RND3: variants seen among roughly 807,000 people sequenced by gnomAD.
The protein encoded by RND3 is Rho family GTPase 3.
RND3 carries 8 observed loss-of-function variants against 26.5 expected under a neutral mutation model. The observed-to-expected ratio is 0.30, with a 90% CI of 0.18 to 0.54. The LOEUF (loss-of-function observed/expected upper bound fraction) is 0.54. Among genes scored for constraint, RND3 ranks in the 20% least tolerant of loss-of-function variants. The probability of loss-of-function intolerance (pLI) is 0.94; values close to 1 mark genes in which losing one functional copy is unlikely to be tolerated. For synonymous variants in RND3, 113 were observed against 113.0 expected, an observed-to-expected ratio of 1.00 and a Z score of 0.00; for missense variants, 207 against 302.8, an observed-to-expected ratio of 0.68 and a Z score of 2.35.
At position 150,486,065 on chromosome 2, in the gene RND3, A is replaced by G. The variant is rs1686354620; in HGVS notation, c.238+629T>C. Among the ~76,000 whole-genome samples the G allele has an allele frequency of 6.6e-6, 1 of 152,182 alleles. No individual in the cohort carries two copies. The highest frequency in any genetic ancestry group is 2.4e-5 in the African/African-American group (1 of 41,464). On this transcript the variant is annotated intron_variant, in intron 3 of 5. Coordinates refer to ENST00000263895, the MANE Select transcript of RND3 (RefSeq NM_005168.5). This position sits in a 1 kb window ranked among gnomAD's most constrained non-coding sequence, Gnocchi z 4.5. ...GGGGAAAAAGGGAAAAGCTCGGTAC[A>G]GGTGGGCACCGAGGCACCGCGGGCG... is the stretch of plus-strand genomic sequence containing the variant.
In RND3 at chr2:150,469,968, A is replaced by G. The variant is rs780311687; in HGVS notation, c.*19T>C. 1.9e-6 allele frequency: 3 copies of G among 1,611,710 alleles called. No individual in the cohort carries two copies. The highest frequency in any genetic ancestry group is 2.5e-6 in the Non-Finnish European group (3 of 1,178,452). ...TTTTACACTAGATTCCTTTGTCTTC[A>G]TTAAAGATAATGAAAGATTCACATC... On this transcript the variant is annotated 3_prime_UTR_variant, in exon 6 of 6. Coordinates refer to ENST00000263895, the MANE Select transcript of RND3 (RefSeq NM_005168.5).
intron 3 of RND3, among the ~76,000 whole-genome samples, chr2:150,475,621 A>C (rs1376778045): frequency 2.0e-5 from 3 of 152,200 alleles, no homozygotes; most frequent in Non-Finnish European, 2.9e-5. Flanking sequence ...GGGTTCAACT[A>C]TGCAAAGAGA....
intron 2 of RND3, chr2:150,487,005 A>G (rs927300917): frequency 6.5e-6 from 4 of 612,006 alleles, no homozygotes; most frequent in Non-Finnish European, 1.2e-5. Context: ...CGAATCTCCC[A>G]ACCCCAGGTT....
intron 3 of RND3, among the ~76,000 whole-genome samples, chr2:150,479,227 A>T (rs540481760): frequency 6.6e-6 from 1 of 152,308 alleles, no homozygotes; most frequent in Admixed American, 6.5e-5. Context: ...CCAGCCAAAG[A>T]ATAGTCACAA....
chr2:150,479,753 G>A (rs1292249709), intron 3 of RND3, among the ~76,000 whole-genome samples: 1 of 152,290 alleles, frequency 6.6e-6, no homozygotes, highest in African/African-American at 2.4e-5. Flanking sequence ...TCAAGTCTGG[G>A]CAGAACTTTT....
intron 3 of RND3, among the ~76,000 whole-genome samples, chr2:150,476,480 C>A (rs1350704030): frequency 1.3e-5 from 2 of 152,182 alleles, no homozygotes; most frequent in Non-Finnish European, 2.9e-5. Context: ...AGAGTGACAA[C>A]TTCAAGCCAC....
chr2:150,475,057 T>C, intron 3 of RND3, 73 bp from the exon 4 acceptor site: 1 of 852,930 alleles, frequency 1.2e-6, no homozygotes, highest in Non-Finnish European at 1.9e-6. Context: ...CTCTACCCTT[T>C]CCGGCTAAGT....
At chr2:150,483,759 G>A (rs1268064053) in intron 3 of RND3, among the ~76,000 whole-genome samples, 1 of 152,162 alleles carries the variant, frequency 6.6e-6, no homozygotes, top group African/African-American at 2.4e-5. Context: ...ATGGAAACAG[G>A]CTATTCTTAG....
chr2:150,486,744 C>T lies in RND3; in HGVS notation c.188G>A (p.Ser63Asn). The change falls in exon 3 of 6, where the codon AGT becomes AAT. Residue 63 changes from serine to asparagine, a missense_variant. Ser to Asn is a conservative substitution (Grantham distance 46). Transcript: ENST00000263895. The surrounding 1 kb of genome is among the most constrained non-coding windows in gnomAD (Gnocchi z 4.5). ...VPTVFENYTA[S>N]FEIDTQRIEL... is the part of the protein sequence containing the mutation. Reference sequence around the variant, plus strand: ...TATTCTTTGTGTGTCGATTTCAAAACTGGCCGTGTAATTCTCAAACACTGT... The same window carrying T: ...TATTCTTTGTGTGTCGATTTCAAAATTGGCCGTGTAATTCTCAAACACTGT... 6.2e-7 allele frequency: 1 copy of T among 1,613,858 alleles called. No homozygotes were observed. Among genetic ancestry groups the T allele is most frequent in the South Asian group, 1.1e-5 (1 of 91,076 alleles).
chr2:150,480,813 CA>C (rs1173822050), intron 3 of RND3, among the ~76,000 whole-genome samples: 1 of 152,192 alleles, frequency 6.6e-6, no homozygotes, highest in Admixed American at 6.5e-5. Flanking sequence ...AACCACCATA[CA>C]AACTATCTGT....
In RND3 at chr2:150,469,339, T is replaced by A. The variant is rs1015151987; in HGVS notation, c.*648A>T. Reference sequence around the variant, plus strand: ...TTGATCTATGCGATCTTTGTAGTGCTGGTCTACAAATCTTGCAAGATTGCA... The same window carrying A: ...TTGATCTATGCGATCTTTGTAGTGCAGGTCTACAAATCTTGCAAGATTGCA... On this transcript the variant is annotated 3_prime_UTR_variant, in exon 6 of 6. Coordinates refer to ENST00000263895, the MANE Select transcript of RND3 (RefSeq NM_005168.5). The A allele has an allele frequency of 2.2e-4, 33 of 152,632 alleles. No homozygotes were observed. Among genetic ancestry groups the A allele is most frequent in the African/African-American group, 7.2e-4 (30 of 41,460 alleles). The allele number at this position is 152,632 out of a possible 1,614,324, so 9.5% of individuals were successfully genotyped here.
intron 3 of RND3, among the ~76,000 whole-genome samples, chr2:150,478,578 G>GAAAAAAAAAAAAAAAAAAAAAAAAAA (rs752844515): frequency 1.3e-5 from 1 of 74,172 alleles, no homozygotes. Flanking sequence ...AAGCCAAACG[G>GAAAAAAAAAAAAAAAAAAAAAAAAAA]CAAAAAAAAA....
intron 3 of RND3, among the ~76,000 whole-genome samples, chr2:150,478,911 T>C (rs1686225366): frequency 6.6e-6 from 1 of 152,190 alleles, no homozygotes; most frequent in South Asian, 2.1e-4. Context: ...TATATGAAAC[T>C]TTTAAGCTCG....
chr2:150,474,129 G>A (rs1686127988), intron 4 of RND3, among the ~76,000 whole-genome samples: 1 of 152,118 alleles, frequency 6.6e-6, no homozygotes, highest in Admixed American at 6.5e-5. Context: ...AACTGCTGAA[G>A]GTCAAGAAAC....
rs1224717470 is a variant in RND3 at position 150,486,183 on chromosome 2, T to C, written c.238+511A>G. ...AGGCGTCACGGGCGCCGCGGCTGCC[T>C]GCGCTCAGTTTCTTTCCCTCAACAG... On this transcript the variant is annotated intron_variant, in intron 3 of 5. Transcript: ENST00000263895. This position sits in a 1 kb window ranked among gnomAD's most constrained non-coding sequence, Gnocchi z 4.5. 6.6e-6 allele frequency among the ~76,000 whole-genome samples: 1 copy of C among 152,006 alleles called. No homozygotes were observed. The highest frequency in any genetic ancestry group is 1.5e-5 in the Non-Finnish European group (1 of 67,998).
intron 3 of RND3, among the ~76,000 whole-genome samples, chr2:150,475,525 C>T (rs573231867): frequency 3.9e-5 from 6 of 152,288 alleles, no homozygotes; most frequent in African/African-American, 1.2e-4. Context: ...GAACCATAAA[C>T]TGAACTACTT....
In RND3 at chr2:150,470,160, C is replaced by T; in HGVS notation, c.562G>A (p.Asp188Asn). 6.2e-7 allele frequency: 1 copy of T among 1,613,952 alleles called. No individual in the cohort carries two copies. The highest frequency in any genetic ancestry group is 8.5e-7 in the Non-Finnish European group (1 of 1,179,930). ...SALQSENSVRDIFHVATLACV... is the reference protein window; with the variant it reads ...SALQSENSVRNIFHVATLACV... ...GCCAAGGTGGCAACGTGAAAAATGT[C>T]TCTGACGCTATTTTCCGACTGTAAA... Residue 188 changes from aspartate (D) to asparagine (N), a missense_variant, in exon 6 of 6, where the codon GAC becomes AAC. Coordinates refer to ENST00000263895, the MANE Select transcript of RND3 (RefSeq NM_005168.5).
chr2:150,477,097 C>T (rs1200653505), intron 3 of RND3, among the ~76,000 whole-genome samples: 2 of 152,128 alleles, frequency 1.3e-5, no homozygotes, highest in East Asian at 3.9e-4. Flanking sequence ...ACAACCTGAT[C>T]CCAGACCCAG....
chr2:150,478,630 A>G (rs1468815217), intron 3 of RND3, among the ~76,000 whole-genome samples: 2 of 150,702 alleles, frequency 1.3e-5, no homozygotes, highest in Non-Finnish European at 1.5e-5. Flanking sequence ...AAAGATGCAC[A>G]TGAAAAACTC....
Sources: allele counts gnomAD v4.1 joint callset (sites outside exome capture counted in the v4.1 genomes callset), GRCh38; gene constraint gnomAD v4.1.1; non-coding constraint Gnocchi (gnomAD v3.1); transcripts MANE v1.5; gene names NCBI Gene and HGNC (gene_info 2026-07-23, HGNC 2026-07-21).